MAST4: variants seen among roughly 807,000 people sequenced by gnomAD.
The protein encoded by MAST4 is microtubule-associated serine/threonine-protein kinase 4.
Under a neutral mutation model 162.7 loss-of-function variants are expected in MAST4, and 89 were observed. That is an observed-to-expected ratio of 0.55 (90% CI 0.46 to 0.65). The LOEUF (loss-of-function observed/expected upper bound fraction) is 0.65, where lower values mean the gene tolerates loss of function less well. Among genes scored for constraint, MAST4 ranks in the 30% least tolerant of loss-of-function variants. The probability of loss-of-function intolerance (pLI) is 0.00; values close to 1 mark genes in which losing one functional copy is unlikely to be tolerated. For missense variants in MAST4, 3,153 were observed against 3,374.0 expected (o/e 0.93, Z 1.62); for synonymous variants, 1,479 against 1,361.1 (o/e 1.09, Z -1.91).
At chr5:66,681,935 G>A (rs961975215) in intron 1 of MAST4, among the ~76,000 whole-genome samples, 1 of 152,176 alleles carries the variant, frequency 6.6e-6, no homozygotes, top group East Asian at 1.9e-4. Context: ...GGGGGTGGGT[G>A]ACCATGCCTG....
chr5:66,753,919 C>T (rs56091789), intron 1 of MAST4, among the ~76,000 whole-genome samples: 3,263 of 136,206 alleles, frequency 0.024, no homozygotes, highest in Non-Finnish European at 0.039. Context: ...ACTGGCAAAC[C>T]GAATCCAGCA....
At chr5:67,141,486 T>C (rs1770410470) in intron 19 of MAST4, among the ~76,000 whole-genome samples, 2 of 152,340 alleles carry the variant, frequency 1.3e-5, no homozygotes, top group Admixed American at 1.3e-4. Flanking sequence ...CACTGAATTA[T>C]GCTTTCATGC....
At chr5:66,605,338 G>A (rs571412186) in intron 1 of MAST4, among the ~76,000 whole-genome samples, 1 of 152,134 alleles carries the variant, frequency 6.6e-6, no homozygotes, top group Non-Finnish European at 1.5e-5. Flanking sequence ...CATCCTAAAT[G>A]AGCAGAATAT....
intron 2 of MAST4, among the ~76,000 whole-genome samples, chr5:66,773,909 A>G (rs967915478): frequency 2.0e-5 from 3 of 152,218 alleles, no homozygotes; most frequent in African/African-American, 4.8e-5. Context: ...GCTGCACCCA[A>G]TTCAGCTTTA....
chr5:67,151,412 G>A (rs1476046696), intron 24 of MAST4, among the ~76,000 whole-genome samples: 2 of 152,160 alleles, frequency 1.3e-5, no homozygotes, highest in African/African-American at 4.8e-5. Flanking sequence ...TCATTTATGA[G>A]GGGCAGAGCC....
chr5:66,818,659 A>G (rs1580528317), intron 3 of MAST4, among the ~76,000 whole-genome samples: 1 of 151,758 alleles, frequency 6.6e-6, no homozygotes. Context: ...TTGGTTTTTT[A>G]TTTGTTTGTG....
At chr5:66,788,607 C>CCCAACAAAAAAAAAAAA in intron 2 of MAST4, 63 bp from the exon 3 acceptor site, 6 of 1,373,722 alleles carry the variant, frequency 4.4e-6, no homozygotes, top group Non-Finnish European at 6.1e-6. Context: ...CCCCCACCCC[C>CCCAACAAAAAAAAAAAA]ATTGCAATAA....
At chr5:66,741,005 G>A (rs750343978) in intron 1 of MAST4, among the ~76,000 whole-genome samples, 12 of 152,164 alleles carry the variant, frequency 7.9e-5, no homozygotes, top group Non-Finnish European at 1.5e-4. Context: ...TGCCTGGCCT[G>A]TTTGGGAGAA....
chr5:67,126,819 A>G (rs563032621), intron 14 of MAST4, among the ~76,000 whole-genome samples: 94 of 152,296 alleles, frequency 6.2e-4, no homozygotes, highest in Middle Eastern at 3.4e-3. Flanking sequence ...CATTGAATCT[A>G]TAAATTGCTT....
At chr5:67,114,655 TAAA>T (rs1766663421) in intron 12 of MAST4, 1 of 179,844 alleles carries the variant, frequency 5.6e-6, no homozygotes. Context: ...TAGATTACTT[TAAA>T]TTGAGTACAG....
At chr5:67,043,808 G>GTTTTGTGTA (rs1757049408) in intron 4 of MAST4, among the ~76,000 whole-genome samples, 1 of 152,156 alleles carries the variant, frequency 6.6e-6, no homozygotes, top group South Asian at 2.1e-4. Flanking sequence ...ATTAATTTGT[G>GTTTTGTGTA]TTTTGTGTAT....
intron 1 of MAST4, among the ~76,000 whole-genome samples, chr5:66,676,542 A>C (rs1036640615): frequency 2.0e-4 from 31 of 152,184 alleles, no homozygotes; most frequent in African/African-American, 7.5e-4. Context: ...CAGACCTGGG[A>C]ATACGAATTC....
intron 3 of MAST4, among the ~76,000 whole-genome samples, chr5:66,882,369 A>G (rs1396742024): frequency 6.6e-6 from 1 of 152,142 alleles, no homozygotes; most frequent in Non-Finnish European, 1.5e-5. Context: ...TTATATCTAT[A>G]TTAGGAAGTT....
chr5:66,633,519 A>G (rs1744915736), intron 1 of MAST4, among the ~76,000 whole-genome samples: 1 of 152,112 alleles, frequency 6.6e-6, no homozygotes, highest in Non-Finnish European at 1.5e-5. Context: ...TTTTATCACC[A>G]TGCTTTCTTT....
Position 66,759,716 on chromosome 5 carries a change from A to G in MAST4, c.371A>G (p.His124Arg), listed in dbSNP as rs756378268. The change falls in exon 2 of 29, where the codon CAC becomes CGC. Residue 124 changes from histidine to arginine, a missense_variant. Physicochemically the swap from His to Arg is conservative, Grantham distance 29. Transcript: ENST00000403625. The stretch of plus-strand genomic sequence containing the variant: ...TTCTTCCTCTTTCTGCAGCTTGACC[A>G]CATATTATCCCCTCCACCCATGCCG... Reference protein sequence around the residue: ...SQEEQDEELDHILSPPPMPFR... With the variant: ...SQEEQDEELDRILSPPPMPFR... The G allele has an allele frequency of 6.2e-7, 1 of 1,613,844 alleles. No individual in the cohort carries two copies. The highest frequency in any genetic ancestry group is 1.1e-5 in the South Asian group (1 of 91,044).
intron 1 of MAST4, among the ~76,000 whole-genome samples, chr5:66,730,751 CTGTGTG>C (rs70987138): frequency 1.2e-4 from 18 of 149,252 alleles, no homozygotes; most frequent in East Asian, 7.9e-4. Flanking sequence ...CCTACCTACT[CTGTGTG>C]TGTGTGTGTG....
At chr5:67,136,453 G>A (rs1769656016) in intron 18 of MAST4, 110 bp from the exon 19 acceptor site, 1 of 734,040 alleles carries the variant, frequency 1.4e-6, no homozygotes, top group East Asian at 2.8e-5. Context: ...TAGGTCCGGA[G>A]TGGGCCTGAA....
chr5:66,894,276 G>C (rs1003823652), intron 3 of MAST4, among the ~76,000 whole-genome samples: 8 of 152,178 alleles, frequency 5.3e-5, no homozygotes, highest in Admixed American at 1.3e-4. Context: ...TAGGGGTGGG[G>C]CTCAGGCGTT....
intron 5 of MAST4, among the ~76,000 whole-genome samples, chr5:67,068,694 C>T (rs1760540692): frequency 6.6e-6 from 1 of 152,132 alleles, no homozygotes; most frequent in Non-Finnish European, 1.5e-5. Context: ...AAAAGAAATA[C>T]AGGCATTTTT....
Sources: allele counts gnomAD v4.1 joint callset (sites outside exome capture counted in the v4.1 genomes callset), GRCh38; gene constraint gnomAD v4.1.1; transcripts MANE v1.5; gene names NCBI Gene and HGNC (gene_info 2026-07-23, HGNC 2026-07-21).